Variants in P2RX3 observed in about 807,000 individuals in gnomAD.
The protein encoded by P2RX3 is purinergic receptor P2X 3.
In P2RX3, 41 loss-of-function variants were observed where a neutral mutation model predicts 51.5. The ratio of observed to expected loss-of-function variants is 0.80; its 90% CI spans 0.62 to 1.03. The LOEUF is 1.03. Among genes scored for constraint, P2RX3 ranks in the 50% least tolerant of loss-of-function variants. The pLI, the probability that P2RX3 is intolerant of heterozygous loss-of-function variation, is 0.00. For missense variants in P2RX3, 459 were observed against 522.1 expected (o/e 0.88, Z 1.18); for synonymous variants, 185 against 191.6 (o/e 0.97, Z 0.29).
chr11:57,347,529 A>G, intron 4 of P2RX3, 51 bp downstream of exon 4: 2 of 1,531,400 alleles, frequency 1.3e-6, no homozygotes, highest in South Asian at 1.2e-5. Context: ...AGTGGGACCC[A>G]TGGGGGAGAG....
At chr11:57,352,791 C>A (rs902742301) in intron 8 of P2RX3, among the ~76,000 whole-genome samples, 3 of 152,104 alleles carry the variant, frequency 2.0e-5, no homozygotes, top group Admixed American at 6.5e-5. Context: ...GGAGGCAGGA[C>A]GGAATATCCC....
intron 8 of P2RX3, among the ~76,000 whole-genome samples, chr11:57,364,028 A>G (rs1856760233): frequency 6.6e-6 from 1 of 152,168 alleles, no homozygotes. Flanking sequence ...CTCACTTTGA[A>G]CGGCAGTGCC....
At chr11:57,357,107 A>G (rs1856642790) in intron 8 of P2RX3, among the ~76,000 whole-genome samples, 1 of 152,138 alleles carries the variant, frequency 6.6e-6, no homozygotes. Flanking sequence ...TCACGAGTTC[A>G]GGAGTTCAAG....
In P2RX3 at chr11:57,348,156, G is replaced by A. The variant is rs1856475907; in HGVS notation, c.392-14G>A. 1.3e-6 allele frequency: 2 copies of A among 1,567,530 alleles called. No individual in the cohort carries two copies. Among genetic ancestry groups the A allele is most frequent in the Non-Finnish European group, 1.7e-6 (2 of 1,154,600 alleles). ...GGGCAGGCAGCCACCCAGCAGCTGT[G>A]GCTCTCACTTTAGGGATCCTCACTG... On this transcript the variant is annotated splice_polypyrimidine_tract_variant and intron_variant, in intron 4 of 11. Transcript: ENST00000263314.
At chr11:57,349,723 C>CCCTG (rs752631026) in intron 6 of P2RX3, 34 bp from the exon 7 acceptor site, 43 of 1,613,576 alleles carry the variant, frequency 2.7e-5, no homozygotes, top group Non-Finnish European at 3.6e-5. Context: ...TTCCCATGAA[C>CCCTG]CCTGGGCTGA....
chr11:57,368,161 G>A lies in P2RX3; in HGVS notation c.936+59G>A, dbSNP rs552116616. The stretch of plus-strand genomic sequence containing the variant: ...GGGGAGGCAGCCCAGACCACCTCTC[G>A]GGTTCTGAAAAAGCTCCTCTGGGGG... On this transcript the variant is annotated intron_variant, in intron 9 of 11. Coordinates refer to ENST00000263314, the MANE Select transcript of P2RX3 (RefSeq NM_002559.5). The A allele has an allele frequency of 1.4e-4, 212 of 1,554,922 alleles. 1 individual carries two copies. The South Asian group carries it at 2.3e-3, about 17-fold the overall frequency.
At position 57,349,746 on chromosome 11, in the gene P2RX3, C is replaced by T. The variant is rs938715174; in HGVS notation, c.564-11C>T. ...AACCCTGGGCTGACCTCTCTCTCTGCTCCTCCCCAGGGGAAACCTCCTTCC... is the reference window on the plus strand; with the variant it reads ...AACCCTGGGCTGACCTCTCTCTCTGTTCCTCCCCAGGGGAAACCTCCTTCC... On this transcript the variant is annotated splice_polypyrimidine_tract_variant and intron_variant, in intron 6 of 11. Coordinates refer to ENST00000263314, the MANE Select transcript of P2RX3 (RefSeq NM_002559.5). The T allele has an allele frequency of 8.1e-6, 13 of 1,614,056 alleles. No homozygotes were observed. Among genetic ancestry groups the T allele is most frequent in the African/African-American group, 1.3e-5 (1 of 75,056 alleles).
At chr11:57,355,407 C>T (rs147314764) in intron 8 of P2RX3, among the ~76,000 whole-genome samples, 2,698 of 128,972 alleles carry the variant, frequency 0.021, 45 homozygotes, top group Middle Eastern at 0.067. Context: ...GTGCAGTAGT[C>T]TCGGCTCACT....
chr11:57,370,901 T>G lies in P2RX3; in HGVS notation c.*904T>G, dbSNP rs1353396720. On this transcript the variant is annotated 3_prime_UTR_variant, in exon 12 of 12. Coordinates refer to ENST00000263314, the MANE Select transcript of P2RX3 (RefSeq NM_002559.5). ...TGTTCCAGGAGTTCAGCAGTCCTCATTTACAACAACAGTGAAAATGCTCCA... is the reference window on the plus strand; with the variant it reads ...TGTTCCAGGAGTTCAGCAGTCCTCAGTTACAACAACAGTGAAAATGCTCCA... 2.6e-5 allele frequency among the ~76,000 whole-genome samples: 4 copies of G among 152,198 alleles called. No individual in the cohort carries two copies. Among genetic ancestry groups the G allele is most frequent in the Non-Finnish European group, 5.9e-5 (4 of 68,032 alleles).
chr11:57,369,811 C>A, intron 11 of P2RX3, 73 bp from the exon 12 acceptor site: 1 of 1,104,754 alleles, frequency 9.1e-7, no homozygotes, highest in Non-Finnish European at 1.4e-6. Context: ...ACTGCTGAGT[C>A]TGTCAAATGG....
chr11:57,372,059 A>G lies in P2RX3; in HGVS notation c.*2062A>G, dbSNP rs1856896045. ...ATGTAGGGTTAATATCAGTAGTGAT[A>G]AAAACAGCTACCTTGTCTCTGTTGC... On this transcript the variant is annotated 3_prime_UTR_variant, in exon 12 of 12. Transcript: ENST00000263314. Among the ~76,000 whole-genome samples, 1 of 152,244 alleles carries G rather than the reference A, an allele frequency of 6.6e-6. No homozygotes were observed. Among genetic ancestry groups the G allele is most frequent in the Non-Finnish European group, 1.5e-5 (1 of 68,048 alleles).
At chr11:57,364,679 TGTGTCCATCCTA>T (rs1856771850) in intron 8 of P2RX3, among the ~76,000 whole-genome samples, 1 of 152,212 alleles carries the variant, frequency 6.6e-6, no homozygotes, top group African/African-American at 2.4e-5. Context: ...CGCCCTCTCT[TGTGTCCATCCTA>T]TTATCCTCCT....
At chr11:57,348,748 C>T (rs372728825) in intron 6 of P2RX3, 44 bp downstream of exon 6, 35 of 1,455,008 alleles carry the variant, frequency 2.4e-5, no homozygotes, top group African/African-American at 1.3e-4. Flanking sequence ...CAGGCACCCC[C>T]GGCCCTGCCA....
upstream of P2RX3, among the ~76,000 whole-genome samples, chr11:57,337,350 G>GA (rs11339711): frequency 4.0e-3 from 294 of 73,488 alleles, no homozygotes; most frequent in African/African-American, 9.2e-3. Context: ...AGGAAAGAAA[G>GA]AAAAAAAAAA....
chr11:57,368,596 C>A (rs1170332126), intron 10 of P2RX3, among the ~76,000 whole-genome samples, 159 bp downstream of exon 10: 1 of 152,240 alleles, frequency 6.6e-6, no homozygotes, highest in Non-Finnish European at 1.5e-5. Flanking sequence ...GGCCACCACC[C>A]TGCTGCGTCA....
intron 8 of P2RX3, among the ~76,000 whole-genome samples, chr11:57,354,650 TGA>T (rs1340289083): frequency 2.6e-5 from 4 of 152,040 alleles, no homozygotes; most frequent in Non-Finnish European, 4.4e-5. Context: ...TGTGTGTGTG[TGA>T]GTGTGTGTGC....
intron 1 of P2RX3, among the ~76,000 whole-genome samples, chr11:57,342,778 C>G (rs760866816): frequency 1.3e-5 from 2 of 152,036 alleles, no homozygotes; most frequent in Non-Finnish European, 2.9e-5. Context: ...ACCCCTCCCC[C>G]TTTCCCTCTG....
intron 1 of P2RX3, among the ~76,000 whole-genome samples, chr11:57,342,528 C>A (rs1011108810): frequency 1.3e-5 from 2 of 152,000 alleles, no homozygotes; most frequent in African/African-American, 4.8e-5. Context: ...CTGCCCTCTC[C>A]CCCAATATGG....
At chr11:57,341,079 G>T (rs531229358) in intron 1 of P2RX3, among the ~76,000 whole-genome samples, 1 of 152,132 alleles carries the variant, frequency 6.6e-6, no homozygotes, top group African/African-American at 2.4e-5. Context: ...ATTTTAACCC[G>T]TGTGTCTGTG....
Sources: gnomAD v4.1 joint callset for allele counts (sites outside exome capture counted in the v4.1 genomes callset) on GRCh38, gnomAD v4.1.1 for gene constraint, MANE v1.5 for transcripts, NCBI Gene and HGNC (gene_info 2026-07-23, HGNC 2026-07-21) for gene names.